The following OR10J1 variants were observed in gnomAD, a reference collection of about 807,000 sequenced individuals.
OR10J1 encodes the protein olfactory receptor 10J1.
For synonymous variants in OR10J1, 202 were observed against 143.8 expected (o/e 1.40, Z -2.89); for missense variants, 474 against 376.6 (o/e 1.26, Z -2.14).
upstream of OR10J1, among the ~76,000 whole-genome samples, chr1:159,436,784 C>T (rs1571156350): frequency 3.9e-5 from 6 of 152,178 alleles, no homozygotes; most frequent in South Asian, 1.2e-3. Flanking sequence ...GTGATACATT[C>T]AAATACTCTT....
chr1:159,413,833 G>A, the OR10J1 span, among the ~76,000 whole-genome samples: 1 of 150,876 alleles, frequency 6.6e-6, no homozygotes. Flanking sequence ...AAAACTTAAA[G>A]TATAATAATA....
At chr1:159,401,886 G>A in the OR10J1 span, among the ~76,000 whole-genome samples, 12 of 152,004 alleles carry the variant, frequency 7.9e-5, no homozygotes, top group Non-Finnish European at 1.5e-5. Context: ...ACATTGGAAA[G>A]ATCATTTATC....
At chr1:159,436,639 C>T (rs1239324824), upstream of OR10J1, among the ~76,000 whole-genome samples, 13 of 149,650 alleles carry the variant, frequency 8.7e-5, no homozygotes, top group East Asian at 7.8e-4. Flanking sequence ...CCAGAAAGAC[C>T]GGAAAAGGGA....
the OR10J1 span, among the ~76,000 whole-genome samples, chr1:159,419,994 T>C: frequency 6.6e-6 from 1 of 152,188 alleles, no homozygotes; most frequent in Non-Finnish European, 1.5e-5. Flanking sequence ...TTTTTGTATA[T>C]GGATGCTCTG....
At chr1:159,402,921 G>A in the OR10J1 span, among the ~76,000 whole-genome samples, 4 of 151,762 alleles carry the variant, frequency 2.6e-5, no homozygotes, top group Admixed American at 6.6e-5. Context: ...ACACATAGAC[G>A]AATTGAACAG....
At chr1:159,410,998 G>T in the OR10J1 span, among the ~76,000 whole-genome samples, 1 of 152,154 alleles carries the variant, frequency 6.6e-6, no homozygotes, top group Non-Finnish European at 1.5e-5. Flanking sequence ...TTCCCATGTA[G>T]TTGAGCGGTT....
At chr1:159,412,724 C>A in the OR10J1 span, among the ~76,000 whole-genome samples, 1 of 151,856 alleles carries the variant, frequency 6.6e-6, no homozygotes, top group South Asian at 2.1e-4. Flanking sequence ...GTCCTAAAAC[C>A]ATAAAAACCC....
the OR10J1 span, among the ~76,000 whole-genome samples, chr1:159,407,455 A>T: frequency 2.6e-5 from 4 of 152,102 alleles, no homozygotes; most frequent in African/African-American, 9.7e-5. Context: ...GTGCTTAGAA[A>T]AGTCTCTGGC....
At chr1:159,404,447 G>T in the OR10J1 span, among the ~76,000 whole-genome samples, 1 of 152,050 alleles carries the variant, frequency 6.6e-6, no homozygotes, top group South Asian at 2.1e-4. Flanking sequence ...TGTGCAGTGC[G>T]CGACAGTGCC....
At chr1:159,435,819 G>C (rs1417612015), upstream of OR10J1, among the ~76,000 whole-genome samples, 1 of 152,178 alleles carries the variant, frequency 6.6e-6, no homozygotes. Flanking sequence ...TGCAGAACTA[G>C]AAGATTTTGC....
chr1:159,421,753 G>A, the OR10J1 span, among the ~76,000 whole-genome samples: 12 of 152,296 alleles, frequency 7.9e-5, no homozygotes, highest in East Asian at 9.7e-4. Context: ...AATGCCAGGT[G>A]AGCTAGTCTT....
At chr1:159,402,908 C>T in the OR10J1 span, among the ~76,000 whole-genome samples, 1 of 152,032 alleles carries the variant, frequency 6.6e-6, no homozygotes, top group Non-Finnish European at 1.5e-5. Flanking sequence ...GTCATAAAAA[C>T]AAACACATAG....
At chr1:159,422,566 G>C in the OR10J1 span, among the ~76,000 whole-genome samples, 1 of 152,134 alleles carries the variant, frequency 6.6e-6, no homozygotes, top group African/African-American at 2.4e-5. Context: ...CAGAATGTCA[G>C]TGGGGCTTCA....
the OR10J1 span, among the ~76,000 whole-genome samples, chr1:159,399,755 A>T: frequency 6.6e-6 from 1 of 152,072 alleles, no homozygotes; most frequent in Non-Finnish European, 1.5e-5. Context: ...AACTAATCTT[A>T]TACTAAATAG....
chr1:159,428,474 T>A, the OR10J1 span, among the ~76,000 whole-genome samples: 1 of 152,140 alleles, frequency 6.6e-6, no homozygotes, highest in Non-Finnish European at 1.5e-5. Flanking sequence ...TTCAAAGAGC[T>A]ACATATTTAA....
At chr1:159,430,370 A>G in the OR10J1 span, among the ~76,000 whole-genome samples, 26 of 152,252 alleles carry the variant, frequency 1.7e-4, no homozygotes, top group Non-Finnish European at 3.5e-4. Context: ...AGATATTAGC[A>G]CAGTCTTCAT....
the OR10J1 span, among the ~76,000 whole-genome samples, chr1:159,420,926 T>C: frequency 2.6e-5 from 4 of 152,158 alleles, no homozygotes; most frequent in Admixed American, 2.6e-4. Context: ...CTCCTGTATC[T>C]TGATGTTCCC....
At chr1:159,430,946 G>A in the OR10J1 span, among the ~76,000 whole-genome samples, 1 of 152,228 alleles carries the variant, frequency 6.6e-6, no homozygotes, top group South Asian at 2.1e-4. Context: ...CATTTACACT[G>A]GGGTTAAAGC....
the OR10J1 span, among the ~76,000 whole-genome samples, chr1:159,412,857 A>C: frequency 2.0e-5 from 3 of 151,748 alleles, no homozygotes; most frequent in Non-Finnish European, 4.4e-5. Context: ...TAAACTAAAG[A>C]GCTTCTGCAC....
Sources: allele counts gnomAD v4.1 joint callset (sites outside exome capture counted in the v4.1 genomes callset), GRCh38; gene constraint gnomAD v4.1.1; transcripts MANE v1.5; gene names NCBI Gene and HGNC (gene_info 2026-07-23, HGNC 2026-07-21).